Variants in USP42 observed in about 807,000 individuals in gnomAD.
The protein encoded by USP42 is ubiquitin carboxyl-terminal hydrolase 42.
In USP42, 23 loss-of-function variants were observed where a neutral mutation model predicts 113.0. The observed-to-expected ratio is 0.20, with a 90% CI of 0.15 to 0.29. The LOEUF (loss-of-function observed/expected upper bound fraction) is 0.29. Ranked by LOEUF, USP42 falls within the 10% of genes least tolerant of loss-of-function variation. USP42 has a pLI of 1.00. For synonymous variants in USP42, 933 were observed against 699.0 expected (o/e 1.33, Z -5.28); for missense variants, 2,174 against 1,779.8 (o/e 1.22, Z -3.99).
chr7:6,141,844 T>C (rs1781450138), intron 7 of USP42, among the ~76,000 whole-genome samples: 1 of 152,252 alleles, frequency 6.6e-6, no homozygotes, highest in Admixed American at 6.5e-5. Flanking sequence ...AATCCTTTCC[T>C]TTTGAATGCA....
At chr7:6,112,646 T>TTG (rs1429142444) in intron 2 of USP42, among the ~76,000 whole-genome samples, 1 of 152,220 alleles carries the variant, frequency 6.6e-6, no homozygotes, top group Non-Finnish European at 1.5e-5. Flanking sequence ...AGATTGTTGT[T>TTG]TGGCTTAGAG....
At chr7:6,092,021 T>TTCC in the USP42 span, among the ~76,000 whole-genome samples, 1 of 108,294 alleles carries the variant, frequency 9.2e-6, no homozygotes, top group Admixed American at 1.0e-4. Flanking sequence ...CTTCTTCTTC[T>TTCC]TCTTCTTCTT....
chr7:6,117,869 C>T (rs1385873895), intron 3 of USP42, among the ~76,000 whole-genome samples: 4 of 152,132 alleles, frequency 2.6e-5, no homozygotes, highest in South Asian at 4.1e-4. Context: ...ATTTGCCATC[C>T]GTATATTTCC....
the USP42 span, among the ~76,000 whole-genome samples, chr7:6,091,206 T>A: frequency 6.6e-6 from 1 of 150,988 alleles, no homozygotes; most frequent in South Asian, 2.1e-4. Context: ...TTTACACACT[T>A]TTCTTTTCTC....
chr7:6,097,812 G>C, the USP42 span, among the ~76,000 whole-genome samples: 14 of 149,682 alleles, frequency 9.4e-5, no homozygotes, highest in East Asian at 2.7e-3. Context: ...GGATGGTCTC[G>C]ATCTCCTGAC....
chr7:6,088,488 G>C, the USP42 span, among the ~76,000 whole-genome samples: 1 of 151,014 alleles, frequency 6.6e-6, no homozygotes, highest in Non-Finnish European at 1.5e-5. Context: ...GAACTCCTGA[G>C]TTCAGGTGAT....
intron 3 of USP42, among the ~76,000 whole-genome samples, chr7:6,131,856 C>T (rs973010313): frequency 9.9e-5 from 15 of 152,148 alleles, no homozygotes; most frequent in African/African-American, 3.4e-4. Context: ...AGAAAACTAC[C>T]TCTATTCCGT....
At chr7:6,133,810 G>T (rs570400853) in intron 3 of USP42, among the ~76,000 whole-genome samples, 10 of 151,912 alleles carry the variant, frequency 6.6e-5, no homozygotes, top group African/African-American at 2.4e-4. Flanking sequence ...GTAAGCCACC[G>T]CACCTGGTGC....
At chr7:6,127,593 T>C (rs1348298300) in intron 3 of USP42, among the ~76,000 whole-genome samples, 1 of 152,146 alleles carries the variant, frequency 6.6e-6, no homozygotes, top group East Asian at 1.9e-4. Flanking sequence ...TTGGGCATAT[T>C]TGTGTGTCTG....
chr7:6,147,403 C>T (rs1781775651), intron 11 of USP42, among the ~76,000 whole-genome samples: 1 of 152,174 alleles, frequency 6.6e-6, no homozygotes, highest in Non-Finnish European at 1.5e-5. Context: ...ATGGCTGTTC[C>T]TCTGCAGTCC....
At chr7:6,150,528 G>T (rs1280592696) in intron 14 of USP42, 22 bp downstream of exon 14, 2 of 1,603,300 alleles carry the variant, frequency 1.2e-6, no homozygotes, top group Middle Eastern at 1.7e-4. Flanking sequence ...GTACATCTGA[G>T]GCACGTGTGG....
the USP42 span, among the ~76,000 whole-genome samples, chr7:6,082,608 T>TTTTTTTTTTGTTTTTTTG: frequency 2.5e-5 from 2 of 80,502 alleles, no homozygotes; most frequent in African/African-American, 7.9e-5. Flanking sequence ...TTTCTGTTTT[T>TTTTTTTTTTGTTTTTTTG]TTTTTTTTTT....
At chr7:6,141,149 T>TA (rs1375644068) in intron 7 of USP42, among the ~76,000 whole-genome samples, 165 bp downstream of exon 7, 1 of 151,476 alleles carries the variant, frequency 6.6e-6, no homozygotes, top group East Asian at 1.9e-4. Flanking sequence ...GTAAGCATCA[T>TA]AAAAAAGCTT....
upstream of USP42, among the ~76,000 whole-genome samples, chr7:6,103,905 A>C (rs1425038008): frequency 6.6e-6 from 1 of 150,878 alleles, no homozygotes; most frequent in Non-Finnish European, 1.5e-5. Flanking sequence ...AAAACTCCAC[A>C]CCAAAAACAA....
chr7:6,095,904 A>T, the USP42 span, among the ~76,000 whole-genome samples: 6 of 150,440 alleles, frequency 4.0e-5, no homozygotes, highest in East Asian at 5.8e-4. Flanking sequence ...CTGGGACCAC[A>T]GGTGCCACCA....
rs771010299 is a variant in USP42 at position 6,150,409 on chromosome 7, C to T, written c.2107-3C>T. Reference sequence around the variant, plus strand: ...AGCTGAAATATTTTTGTTTTTATTGCAGTTGATGCCTGCTCCTTTGCTGTC... The same window carrying T: ...AGCTGAAATATTTTTGTTTTTATTGTAGTTGATGCCTGCTCCTTTGCTGTC... On this transcript the variant is annotated splice_polypyrimidine_tract_variant and splice_region_variant and intron_variant, in intron 13 of 17. Coordinates refer to ENST00000306177, the MANE Select transcript of USP42 (RefSeq NM_032172.3). 4 of 1,613,368 alleles carry T rather than the reference C, an allele frequency of 2.5e-6. No homozygotes were observed. In the East Asian group the frequency reaches 6.7e-5, roughly 27 times the overall value.
chr7:6,148,920 T>C (rs1381727439), intron 12 of USP42, among the ~76,000 whole-genome samples: 1 of 152,202 alleles, frequency 6.6e-6, no homozygotes, highest in East Asian at 1.9e-4. Flanking sequence ...GCATTGCTTT[T>C]CCAAAGCCTG....
At chr7:6,146,339 A>T in intron 11 of USP42, 91 bp downstream of exon 11, 8 of 678,766 alleles carry the variant, frequency 1.2e-5, no homozygotes, top group Non-Finnish European at 1.6e-5. Flanking sequence ...CAGTGTTTTA[A>T]AAAAAAAAAA....
Position 6,159,377 on chromosome 7 carries a change from G to A in USP42, c.3944-73G>A, listed in dbSNP as rs1394601049. ...GTGACTCTGACCATAGCCACTTAACGCACACACACAGCAGAGGCCCTGGCG... is the reference window on the plus strand; with the variant it reads ...GTGACTCTGACCATAGCCACTTAACACACACACACAGCAGAGGCCCTGGCG... On this transcript the variant is annotated intron_variant, in intron 16 of 17. Transcript: ENST00000306177. The surrounding 1 kb of genome is among the most constrained non-coding windows in gnomAD (Gnocchi z 4.1). The A allele has an allele frequency of 8.7e-6, 14 of 1,601,914 alleles. 1 individual carries two copies. In the Middle Eastern group the frequency reaches 5.0e-4, roughly 57 times the overall value.
Sources: gnomAD v4.1 joint callset for allele counts (sites outside exome capture counted in the v4.1 genomes callset) on GRCh38, gnomAD v4.1.1 for gene constraint, Gnocchi (gnomAD v3.1) non-coding constraint, MANE v1.5 for transcripts, NCBI Gene and HGNC (gene_info 2026-07-23, HGNC 2026-07-21) for gene names.